FLT1: variants seen among roughly 807,000 people sequenced by gnomAD.
FLT1 encodes the protein vascular endothelial growth factor receptor 1.
A neutral mutation model predicts 156.3 loss-of-function variants in FLT1; 49 were observed. The observed-to-expected ratio is 0.31, with a 90% confidence interval of 0.25 to 0.40. FLT1 has a LOEUF of 0.40. Among genes scored for constraint, FLT1 ranks in the 10% least tolerant of loss-of-function variants. The pLI, the probability that FLT1 is intolerant of heterozygous loss-of-function variation, is 1.00. For synonymous variants in FLT1, 594 were observed against 583.8 expected, an observed-to-expected ratio of 1.02 and a Z score of -0.25; for missense variants, 1,322 against 1,637.2, an observed-to-expected ratio of 0.81 and a Z score of 3.32.
intron 1 of FLT1, among the ~76,000 whole-genome samples, chr13:28,482,761 T>C (rs999046424): frequency 6.6e-6 from 1 of 152,208 alleles, no homozygotes; most frequent in Non-Finnish European, 1.5e-5. Flanking sequence ...ACCACTAAGT[T>C]TAATGTCAGT....
intron 10 of FLT1, among the ~76,000 whole-genome samples, chr13:28,406,959 C>T (rs1309996935): frequency 6.6e-6 from 1 of 152,156 alleles, no homozygotes; most frequent in Non-Finnish European, 1.5e-5. Context: ...CCTCCCTGGT[C>T]CTTGAGCTGA....
chr13:28,412,350 C>CTTTCTTTTCTTTCTTTCTTTTTT (rs71086853), intron 10 of FLT1, among the ~76,000 whole-genome samples: 2 of 93,810 alleles, frequency 2.1e-5, no homozygotes, highest in African/African-American at 7.5e-5. Context: ...TTCTTTCTTT[C>CTTTCTTTTCTTTCTTTCTTTTTT]TCTTTCTTTC....
At chr13:28,442,701 T>TACACACACACAC (rs111263665) in intron 3 of FLT1, among the ~76,000 whole-genome samples, 1,543 of 146,986 alleles carry the variant, frequency 0.01, 24 homozygotes, top group African/African-American at 0.036. Context: ...TGACTGTAGA[T>TACACACACACAC]ACACACACAC....
At chr13:28,490,792 C>A (rs964987499) in intron 1 of FLT1, among the ~76,000 whole-genome samples, 1 of 152,160 alleles carries the variant, frequency 6.6e-6, no homozygotes, top group African/African-American at 2.4e-5. Context: ...TTCAAATGCC[C>A]TTCCTCCCCT....
chr13:28,335,716 G>C (rs1168286807), intron 17 of FLT1, among the ~76,000 whole-genome samples: 2 of 152,170 alleles, frequency 1.3e-5, no homozygotes, highest in African/African-American at 4.8e-5. Flanking sequence ...TTCTCTTTTT[G>C]TGAAACATGC....
chr13:28,438,193 T>G (rs745331903), intron 4 of FLT1, 28 bp downstream of exon 4: 1 of 1,608,236 alleles, frequency 6.2e-7, no homozygotes, highest in Non-Finnish European at 8.5e-7. Flanking sequence ...AGTGAAAGTA[T>G]GCTGAGAATA....
chr13:28,444,313 C>A (rs978040306), intron 3 of FLT1, among the ~76,000 whole-genome samples: 4 of 152,056 alleles, frequency 2.6e-5, no homozygotes, highest in Admixed American at 6.6e-5. Context: ...TGGTGATGCA[C>A]GCCTGAAGTC....
intron 10 of FLT1, among the ~76,000 whole-genome samples, chr13:28,422,142 T>C (rs1695160642): frequency 6.6e-6 from 1 of 152,254 alleles, no homozygotes; most frequent in Admixed American, 6.5e-5. Context: ...GAGCAGATGG[T>C]TGACAGTATA....
At chr13:28,392,562 A>G (rs1185469683) in intron 12 of FLT1, among the ~76,000 whole-genome samples, 1 of 152,222 alleles carries the variant, frequency 6.6e-6, no homozygotes, top group Non-Finnish European at 1.5e-5. Flanking sequence ...GAGATCGTGT[A>G]GAGAGTTTCT....
At chr13:28,465,041 G>A (rs185362726) in intron 3 of FLT1, among the ~76,000 whole-genome samples, 49 of 152,270 alleles carry the variant, frequency 3.2e-4, no homozygotes, top group Admixed American at 6.5e-5. Flanking sequence ...AATATGCTAC[G>A]TGGAATTAGA....
intron 12 of FLT1, chr13:28,396,667 G>A (rs189203756): frequency 6.0e-6 from 3 of 499,638 alleles, no homozygotes; most frequent in African/African-American, 1.9e-5. Flanking sequence ...CAGACCCTGT[G>A]CTAGGTACTG....
chr13:28,386,578 C>G (rs1034366794), intron 13 of FLT1: 2 of 1,055,770 alleles, frequency 1.9e-6, no homozygotes, highest in Non-Finnish European at 2.3e-6. Context: ...CCTATCTTAT[C>G]TTGCCCACTA....
chr13:28,370,949 A>G (rs923852589), intron 14 of FLT1, among the ~76,000 whole-genome samples: 1 of 152,244 alleles, frequency 6.6e-6, no homozygotes, highest in African/African-American at 2.4e-5. Flanking sequence ...ATTGCACTCC[A>G]TAAGAACTTA....
chr13:28,301,687 C>G lies in FLT1; in HGVS notation c.*1480G>C, dbSNP rs933809656. The G allele has an allele frequency of 1.3e-5, 3 of 233,130 alleles. No homozygotes were observed. The highest frequency in any genetic ancestry group is 6.6e-5 in the African/African-American group (3 of 45,324). 14.4% of individuals were successfully genotyped at this position (233,130 alleles called of 1,614,324 possible). On this transcript the variant is annotated 3_prime_UTR_variant, in exon 30 of 30. Transcript: ENST00000282397. ...AGACCCTAACTTGCATAAATAGCATCAAACAGAGCCAGCTTAGCGATCCAA... is the reference window on the plus strand; with the variant it reads ...AGACCCTAACTTGCATAAATAGCATGAAACAGAGCCAGCTTAGCGATCCAA...
intron 1 of FLT1, among the ~76,000 whole-genome samples, chr13:28,470,640 T>C (rs1263021417): frequency 6.6e-6 from 1 of 152,170 alleles, no homozygotes; most frequent in African/African-American, 2.4e-5. Flanking sequence ...AGGAAACCGC[T>C]AACTTCAAAG....
At chr13:28,440,781 G>T (rs1412257159) in intron 3 of FLT1, among the ~76,000 whole-genome samples, 2 of 152,128 alleles carry the variant, frequency 1.3e-5, no homozygotes, top group Non-Finnish European at 2.9e-5. Flanking sequence ...AGGATTACAT[G>T]AATTAATATA....
At position 28,345,008 on chromosome 13, in the gene FLT1, G is replaced by A. The variant is rs75996340; in HGVS notation, c.2355+437C>T. 7.3e-5 allele frequency among the ~76,000 whole-genome samples: 11 copies of A among 151,636 alleles called. No homozygotes were observed. In the East Asian group the frequency reaches 9.7e-4, roughly 13 times the overall value. ...TGTAGAGTCAGGGTCTTACTATATC[G>A]GACAGGCTGGTCTTGAACTCTTGGC... On this transcript the variant is annotated intron_variant, in intron 16 of 29. Transcript: ENST00000282397.
At chr13:28,383,877 T>A (rs1294196832) in intron 14 of FLT1, among the ~76,000 whole-genome samples, 1 of 151,974 alleles carries the variant, frequency 6.6e-6, no homozygotes, top group African/African-American at 2.4e-5. Context: ...ATGATTAAAG[T>A]ATGCAGGAAG....
intron 4 of FLT1, among the ~76,000 whole-genome samples, chr13:28,434,540 T>C (rs868055217): frequency 1.1e-4 from 16 of 152,326 alleles, no homozygotes; most frequent in Middle Eastern, 6.8e-3. Context: ...CCATAACTCT[T>C]TGGCCTCCGG....
Sources: gnomAD v4.1 joint callset for allele counts (sites outside exome capture counted in the v4.1 genomes callset) on GRCh38, gnomAD v4.1.1 for gene constraint, MANE v1.5 for transcripts, NCBI Gene and HGNC (gene_info 2026-07-23, HGNC 2026-07-21) for gene names.